The following ZNF782 variants were observed in gnomAD, a reference collection of about 807,000 sequenced individuals.
ZNF782 encodes zinc finger protein 782.
In ZNF782, 12 loss-of-function variants were observed where a neutral mutation model predicts 13.0. That is an observed-to-expected ratio of 0.92 (90% CI 0.59 to 1.50). The LOEUF is 1.50. Among genes scored for constraint, ZNF782 ranks in the 40% most tolerant of loss-of-function variants. ZNF782 has a pLI of 0.00. For missense variants in ZNF782, 770 were observed against 822.9 expected, an observed-to-expected ratio of 0.94 and a Z score of 0.79; for synonymous variants, 284 against 283.0, an observed-to-expected ratio of 1.00 and a Z score of -0.04.
At chr9:96,880,728 G>T in the ZNF782 span, among the ~76,000 whole-genome samples, 1 of 152,126 alleles carries the variant, frequency 6.6e-6, no homozygotes, top group African/African-American at 2.4e-5. Flanking sequence ...TTCAGAAGAA[G>T]AATTGGTCTA....
the ZNF782 span, among the ~76,000 whole-genome samples, chr9:96,903,623 C>T: frequency 9.5e-5 from 11 of 115,368 alleles, no homozygotes; most frequent in Admixed American, 9.4e-4. Flanking sequence ...AGTGCAGTGG[C>T]GCAATCTCGG....
At chr9:96,865,236 A>G (rs1282080566) in intron 1 of ZNF782, among the ~76,000 whole-genome samples, 2 of 152,108 alleles carry the variant, frequency 1.3e-5, no homozygotes, top group Non-Finnish European at 2.9e-5. Context: ...ATTGTGTGGT[A>G]TGGTTTGGCT....
chr9:96,911,997 C>G, the ZNF782 span, among the ~76,000 whole-genome samples: 1 of 151,504 alleles, frequency 6.6e-6, no homozygotes, highest in East Asian at 1.9e-4. Context: ...GTTGGGAGTT[C>G]AAGACCAGCC....
the ZNF782 span, chr9:96,893,955 G>A: frequency 3.7e-5 from 5 of 135,734 alleles, no homozygotes; most frequent in East Asian, 2.0e-4. Context: ...AGCGGAGATC[G>A]CGCCACTGCA....
the ZNF782 span, chr9:96,888,865 A>C: frequency 1.3e-5 from 2 of 152,392 alleles, no homozygotes; most frequent in Non-Finnish European, 2.9e-5. Context: ...GACCACCATA[A>C]CCATCGGCCA....
rs113727696 is a variant in ZNF782 at position 96,841,937 on chromosome 9, T to C, written c.142+2953A>G. 1.7e-3 allele frequency among the ~76,000 whole-genome samples: 256 copies of C among 152,072 alleles called. 1 individual carries two copies. The highest frequency in any genetic ancestry group is 0.01 in the Middle Eastern group (3 of 294). On this transcript the variant is annotated intron_variant, in intron 4 of 5. Coordinates refer to ENST00000481138, the MANE Select transcript of ZNF782 (RefSeq NM_001001662.3). ...AAACTGACCCTATACATATATGACA[T>C]GATAGCTTATGTTAAAAAATGCCAA...
chr9:96,892,741 A>T, the ZNF782 span: 2 of 152,332 alleles, frequency 1.3e-5, no homozygotes, highest in Admixed American at 1.3e-4. Flanking sequence ...GAGATAATAA[A>T]GCCCAAGAAG....
intron 4 of ZNF782, among the ~76,000 whole-genome samples, chr9:96,838,332 T>G (rs2118636827): frequency 6.6e-6 from 1 of 152,316 alleles, no homozygotes; most frequent in South Asian, 2.1e-4. Context: ...TTGAGAAGAA[T>G]GTATATTTTT....
chr9:96,851,751 T>C (rs1329452806), intron 3 of ZNF782, among the ~76,000 whole-genome samples, 196 bp downstream of exon 3: 1 of 152,232 alleles, frequency 6.6e-6, no homozygotes, highest in Non-Finnish European at 1.5e-5. Flanking sequence ...ATGACTAACA[T>C]GACATCTTGG....
intron 1 of ZNF782, among the ~76,000 whole-genome samples, chr9:96,871,163 G>T (rs535440145): frequency 1.3e-5 from 2 of 152,264 alleles, no homozygotes; most frequent in East Asian, 3.9e-4. Flanking sequence ...GAGGTGTCCT[G>T]AAAGTTTCAG....
At position 96,818,090 on chromosome 9, in the gene ZNF782, G is replaced by GTTTCTCCCCGGTGTGAGTTCGCTGATGT. The variant is rs1850236179; in HGVS notation, c.1905_1932dup (p.Pro645ThrfsTer12). On this transcript the variant is annotated frameshift_variant, in exon 6 of 6. Coordinates refer to ENST00000481138, the MANE Select transcript of ZNF782 (RefSeq NM_001001662.3). LOFTEE classifies it low-confidence loss of function (END_TRUNC). ...TCCCCACACTGATTACAATTATATG[G>GTTTCTCCCCGGTGTGAGTTCGCTGATGT]TTTCTCCCCGGTGTGAGTTCGCTGA... 6.2e-7 allele frequency: 1 copy of GTTTCTCCCCGGTGTGAGTTCGCTGATGT among 1,613,622 alleles called. No homozygotes were observed.
chr9:96,921,839 G>A, the ZNF782 span, among the ~76,000 whole-genome samples: 4 of 150,738 alleles, frequency 2.7e-5, no homozygotes, highest in East Asian at 2.0e-4. Context: ...GATCACAGGC[G>A]CCCACAACCA....
intron 3 of ZNF782, among the ~76,000 whole-genome samples, chr9:96,848,612 T>A (rs1054794049): frequency 6.6e-6 from 1 of 152,048 alleles, no homozygotes; most frequent in Non-Finnish European, 1.5e-5. Context: ...AACCTAATAA[T>A]ATACTTAACC....
chr9:96,830,492 G>A (rs1012233189), intron 4 of ZNF782, among the ~76,000 whole-genome samples: 2 of 152,156 alleles, frequency 1.3e-5, no homozygotes, highest in Admixed American at 6.5e-5. Flanking sequence ...CTACCATTCA[G>A]CAGTAATGAC....
intron 1 of ZNF782, among the ~76,000 whole-genome samples, chr9:96,863,162 C>T (rs1851722232): frequency 6.6e-6 from 1 of 152,148 alleles, no homozygotes; most frequent in South Asian, 2.1e-4. Context: ...ATAATGGTCT[C>T]TTTTTGACTG....
chr9:96,839,248 T>C (rs553029009), intron 4 of ZNF782, among the ~76,000 whole-genome samples: 2 of 151,498 alleles, frequency 1.3e-5, no homozygotes, highest in East Asian at 3.9e-4. Context: ...CCTGTTCTTT[T>C]GTCTAGAGGA....
At chr9:96,888,546 A>AT in the ZNF782 span, 1 of 152,222 alleles carries the variant, frequency 6.6e-6, no homozygotes, top group Non-Finnish European at 1.5e-5. Context: ...ATAAAAACAA[A>AT]TTAAGAGTGT....
the ZNF782 span, among the ~76,000 whole-genome samples, chr9:96,925,436 G>A: frequency 8.5e-5 from 13 of 152,064 alleles, no homozygotes; most frequent in African/African-American, 3.1e-4. Flanking sequence ...TCGGGGGTTC[G>A]AGACCAGCCT....
intron 4 of ZNF782, among the ~76,000 whole-genome samples, chr9:96,832,545 T>C (rs1850839674): frequency 6.6e-6 from 1 of 152,198 alleles, no homozygotes; most frequent in Admixed American, 6.5e-5. Context: ...AAACTCTTAG[T>C]TTCCCTTCAT....
Sources: gnomAD v4.1 joint callset for allele counts (sites outside exome capture counted in the v4.1 genomes callset) on GRCh38, gnomAD v4.1.1 for gene constraint, MANE v1.5 for transcripts, NCBI Gene and HGNC (gene_info 2026-07-23, HGNC 2026-07-21) for gene names.